The following NBEA variants were observed in gnomAD, a reference collection of about 807,000 sequenced individuals.
NBEA encodes the protein neurobeachin.
A neutral mutation model predicts 343.4 loss-of-function variants in NBEA; 44 were observed. That is an observed-to-expected ratio of 0.13 (90% CI 0.10 to 0.16). The LOEUF is 0.16. NBEA is among the 10% of genes least tolerant of loss of function. NBEA has a pLI of 1.00. For missense variants in NBEA, 2,555 were observed against 3,631.3 expected, an observed-to-expected ratio of 0.70 and a Z score of 7.62; for synonymous variants, 1,175 against 1,238.7, an observed-to-expected ratio of 0.95 and a Z score of 1.08.
intron 36 of NBEA, among the ~76,000 whole-genome samples, chr13:35,316,072 C>T (rs2037693689): frequency 6.9e-6 from 1 of 145,324 alleles, no homozygotes; most frequent in Non-Finnish European, 1.5e-5. Context: ...AAAATCTGAC[C>T]TATGCCAGGT....
chr13:35,018,039 T>A lies in NBEA; in HGVS notation c.295-22894T>A, dbSNP rs2061712933. Among the ~76,000 whole-genome samples the A allele has an allele frequency of 2.0e-5, 3 of 152,254 alleles. No individual in the cohort carries two copies. In the South Asian group the frequency reaches 6.2e-4, roughly 32 times the overall value. On this transcript the variant is annotated intron_variant, in intron 1 of 58. Coordinates refer to ENST00000379939, the MANE Select transcript of NBEA (RefSeq NM_001385012.1). ...CATCAATTGATCATCTATTGATTTG[T>A]TTTATAATTTATGTGGGTTTATTTG...
intron 35 of NBEA, among the ~76,000 whole-genome samples, chr13:35,297,950 A>G (rs1195509848): frequency 6.6e-6 from 1 of 151,698 alleles, no homozygotes; most frequent in African/African-American, 2.4e-5. Flanking sequence ...TGAGAAGGTT[A>G]GGGAGGCCAG....
chr13:35,235,998 G>T lies in NBEA; in HGVS notation c.5776+3379G>T, dbSNP rs140475472. ...TATCTTGTAACTTTCTACATTCAAA[G>T]AATTTTAATACATCCTACTTTTTAA... On this transcript the variant is annotated intron_variant, in intron 34 of 58. Coordinates refer to ENST00000379939, the MANE Select transcript of NBEA (RefSeq NM_001385012.1). Among the ~76,000 whole-genome samples the T allele has an allele frequency of 2.1e-4, 32 of 152,254 alleles. 1 individual carries two copies. The East Asian group carries it at 5.8e-3, about 28-fold the overall frequency.
chr13:35,150,532 A>G (rs1319012569), intron 18 of NBEA, among the ~76,000 whole-genome samples: 1 of 152,204 alleles, frequency 6.6e-6, no homozygotes, highest in Non-Finnish European at 1.5e-5. Context: ...TTAACTGAAA[A>G]AGGAAATCGC....
intron 1 of NBEA, among the ~76,000 whole-genome samples, chr13:34,990,064 C>T (rs541582314): frequency 6.6e-5 from 10 of 151,196 alleles, no homozygotes; most frequent in East Asian, 3.9e-4. Context: ...CATTTATGCT[C>T]CTTTAGCTTG....
Position 35,178,562 on chromosome 13 carries a change from C to T in NBEA, c.4662+1459C>T, listed in dbSNP as rs144003332. ...TACATATGTATACTGATTGTATGTA[C>T]ATACATACGTGCATCTTTATTTTTA... On this transcript the variant is annotated intron_variant, in intron 28 of 58. Transcript: ENST00000379939. Among the ~76,000 whole-genome samples the T allele has an allele frequency of 1.1e-3, 174 of 151,558 alleles. 1 individual carries two copies. Among genetic ancestry groups the T allele is most frequent in the African/African-American group, 4.0e-3 (164 of 41,450 alleles).
chr13:35,020,140 T>G (rs189772740), intron 1 of NBEA, among the ~76,000 whole-genome samples: 97 of 152,252 alleles, frequency 6.4e-4, no homozygotes, highest in African/African-American at 2.3e-3. Context: ...TATAAGTCTT[T>G]TAATGTTATA....
chr13:34,981,918 A>G (rs903982040), intron 1 of NBEA, among the ~76,000 whole-genome samples: 2 of 151,932 alleles, frequency 1.3e-5, no homozygotes, highest in Non-Finnish European at 2.9e-5. Flanking sequence ...CTATACTGAT[A>G]ATCCTTTCCA....
At chr13:35,066,184 C>T (rs945375509) in intron 8 of NBEA, among the ~76,000 whole-genome samples, 1 of 152,104 alleles carries the variant, frequency 6.6e-6, no homozygotes, top group Non-Finnish European at 1.5e-5. Flanking sequence ...TAGTTTTGAA[C>T]TCCTGGCCTC....
At chr13:35,056,277 T>G in intron 7 of NBEA, 148 bp downstream of exon 7, 1 of 777,508 alleles carries the variant, frequency 1.3e-6, no homozygotes, top group Non-Finnish European at 1.7e-6. Flanking sequence ...CATTGTTAAA[T>G]TTAGTATAAG....
chr13:35,394,930 A>T (rs889228111), intron 38 of NBEA, among the ~76,000 whole-genome samples: 3 of 152,172 alleles, frequency 2.0e-5, no homozygotes, highest in Admixed American at 1.3e-4. Context: ...CCTTAACTGC[A>T]TCCCACAATT....
chr13:35,487,577 T>C (rs1238985742), intron 41 of NBEA, among the ~76,000 whole-genome samples: 1 of 151,870 alleles, frequency 6.6e-6, no homozygotes, highest in Non-Finnish European at 1.5e-5. Context: ...GGTGGTTATC[T>C]AACCTCTACT....
chr13:35,237,734 T>C (rs952737540), intron 34 of NBEA, among the ~76,000 whole-genome samples: 1 of 152,234 alleles, frequency 6.6e-6, no homozygotes, highest in African/African-American at 2.4e-5. Flanking sequence ...ATTACTCTTT[T>C]AACTTCAAAT....
intron 10 of NBEA, among the ~76,000 whole-genome samples, chr13:35,087,224 C>G (rs1157216646): frequency 6.6e-6 from 1 of 151,408 alleles, no homozygotes; most frequent in East Asian, 1.9e-4. Context: ...AATATTTGTA[C>G]TGAAACAATA....
At chr13:35,493,655 G>T (rs181128629) in intron 41 of NBEA, among the ~76,000 whole-genome samples, 19 of 152,062 alleles carry the variant, frequency 1.2e-4, no homozygotes, top group African/African-American at 4.6e-4. Flanking sequence ...GAACCAGAAA[G>T]CTTGGGTTTT....
rs1339301904 is a variant in NBEA, at chr13:34,979,067, T to C, written c.294+35953T>C. On this transcript the variant is annotated intron_variant, in intron 1 of 58. Transcript: ENST00000379939. ...TTTATTAAGTGATTAAAACATTTTGTATTTTCAACAATGTATAACAGATCT... is the reference window on the plus strand; with the variant it reads ...TTTATTAAGTGATTAAAACATTTTGCATTTTCAACAATGTATAACAGATCT... Among the ~76,000 whole-genome samples the C allele has an allele frequency of 3.3e-5, 5 of 152,194 alleles. No individual in the cohort carries two copies. In the East Asian group the frequency reaches 9.6e-4, roughly 29 times the overall value.
chr13:35,202,603 T>C (rs1462877996), intron 31 of NBEA, among the ~76,000 whole-genome samples: 1 of 152,148 alleles, frequency 6.6e-6, no homozygotes, highest in Non-Finnish European at 1.5e-5. Context: ...AGACTGCCAA[T>C]ACCCTATCCT....
intron 41 of NBEA, among the ~76,000 whole-genome samples, chr13:35,514,822 G>C (rs1049309335): frequency 6.6e-6 from 1 of 152,112 alleles, no homozygotes; most frequent in Non-Finnish European, 1.5e-5. Flanking sequence ...TAGGGTAAGA[G>C]GTTATTAAAC....
chr13:35,142,585 C>T (rs921591799), intron 18 of NBEA, among the ~76,000 whole-genome samples: 9 of 152,186 alleles, frequency 5.9e-5, no homozygotes, highest in East Asian at 1.9e-4. Flanking sequence ...TTCTTTATGT[C>T]GATCCAAGAG....
Sources: gnomAD v4.1 joint callset for allele counts (sites outside exome capture counted in the v4.1 genomes callset) on GRCh38, gnomAD v4.1.1 for gene constraint, MANE v1.5 for transcripts, NCBI Gene and HGNC (gene_info 2026-07-23, HGNC 2026-07-21) for gene names.